PRDM7: variants seen among roughly 807,000 people sequenced by gnomAD.
The protein encoded by PRDM7 is histone-lysine N-methyltransferase PRDM7.
A neutral mutation model predicts 64.3 loss-of-function variants in PRDM7; 52 were observed. That is an observed-to-expected ratio of 0.81 (90% CI 0.65 to 1.02). The LOEUF is 1.02. Ranked by LOEUF, PRDM7 falls within the 50% of genes least tolerant of loss-of-function variation. The pLI is 0.00. For synonymous variants in PRDM7, 192 were observed against 210.1 expected (o/e 0.91, Z 0.74); for missense variants, 574 against 597.1 (o/e 0.96, Z 0.40).
intron 9 of PRDM7, 67 bp downstream of exon 9, chr16:90,061,385 A>G: frequency 6.7e-7 from 1 of 1,487,584 alleles, no homozygotes; most frequent in East Asian, 2.3e-5. Context: ...CATAATGAGA[A>G]GGAAGGAAGT....
chr16:90,065,178 G>A (rs1308877075), intron 5 of PRDM7, among the ~76,000 whole-genome samples: 1 of 149,540 alleles, frequency 6.7e-6, no homozygotes, highest in African/African-American at 2.5e-5. Flanking sequence ...AAGGCAGGCA[G>A]ATCACCTGAG....
At chr16:90,060,711 T>C (rs1021557705) in intron 9 of PRDM7, 88 bp from the exon 10 acceptor site, 1 of 1,560,922 alleles carries the variant, frequency 6.4e-7, no homozygotes, top group African/African-American at 1.4e-5. Context: ...CCTAGAATGC[T>C]TCCCTGCTGT....
intron 4 of PRDM7, among the ~76,000 whole-genome samples, chr16:90,072,075 A>G (rs1279965108): frequency 2.0e-5 from 3 of 151,900 alleles, no homozygotes; most frequent in African/African-American, 7.3e-5. Flanking sequence ...CTAAAAATAC[A>G]AAAAAATTAG....
chr16:90,063,400 T>G (rs1351968085), intron 6 of PRDM7, among the ~76,000 whole-genome samples: 2 of 152,144 alleles, frequency 1.3e-5, no homozygotes, highest in Non-Finnish European at 2.9e-5. Context: ...ATCTCACCAT[T>G]GCACTCCAGC....
intron 5 of PRDM7, 41 bp from the exon 6 acceptor site, chr16:90,063,809 T>C: frequency 6.2e-7 from 1 of 1,608,500 alleles, no homozygotes; most frequent in Middle Eastern, 1.7e-4. Context: ...AACGTGCATT[T>C]ATTTAGTTCT....
chr16:90,057,993 G>C lies in PRDM7; in HGVS notation c.*296C>G. 1.9e-6 allele frequency: 3 copies of C among 1,605,366 alleles called. No individual in the cohort carries two copies. The highest frequency in any genetic ancestry group is 1.1e-5 in the South Asian group (1 of 90,978). ...TGGTGACTGAGGAGGTCTGACTTCC[G>C]GCTAAAGCCCTCCCACACTCTCTGC... On this transcript the variant is annotated 3_prime_UTR_variant, in exon 11 of 11. Coordinates refer to ENST00000449207, the MANE Select transcript of PRDM7 (RefSeq NM_001098173.2).
rs527344864 is a variant in PRDM7 at position 90,067,037 on chromosome 16, T to C, written c.302-127A>G. 205 of 751,898 alleles carry C rather than the reference T, an allele frequency of 2.7e-4. 2 individuals are homozygous for C. The highest frequency in any genetic ancestry group is 2.6e-3 in the South Asian group (195 of 74,038). 46.6% of individuals were successfully genotyped at this position (751,898 alleles called of 1,614,324 possible). On this transcript the variant is annotated intron_variant, in intron 4 of 10. Coordinates refer to ENST00000449207, the MANE Select transcript of PRDM7 (RefSeq NM_001098173.2). ...TGGAGTGCAGTGGCACAATCTCCCC[T>C]CACTGCAACCTCCGCCTCCCGGATT...
chr16:90,074,398 G>A (rs2038005434), intron 4 of PRDM7, among the ~76,000 whole-genome samples: 1 of 151,656 alleles, frequency 6.6e-6, no homozygotes, highest in Admixed American at 6.6e-5. Context: ...CCAACATGGT[G>A]AAACCCCATC....
Position 90,062,371 on chromosome 16 carries a change from G to C in PRDM7, c.610+30C>G, listed in dbSNP as rs1349155564. The C allele has an allele frequency of 1.9e-6, 3 of 1,613,506 alleles. No individual in the cohort carries two copies. The African/African-American group carries it at 4.0e-5, about 22-fold the overall frequency. On this transcript the variant is annotated intron_variant, in intron 7 of 10. Transcript: ENST00000449207. Reference sequence around the variant, plus strand: ...TTATTGTACCAGGACATAACAGCAAGCTGTGTGAGTGGCTGAAAGGGTCAC... The same window carrying C: ...TTATTGTACCAGGACATAACAGCAACCTGTGTGAGTGGCTGAAAGGGTCAC...
At chr16:90,058,867 G>T (rs1177172810) in intron 10 of PRDM7, among the ~76,000 whole-genome samples, 1 of 152,148 alleles carries the variant, frequency 6.6e-6, no homozygotes, top group Non-Finnish European at 1.5e-5. Context: ...TCCAAGTCCT[G>T]TAAAGCCTTC....
chr16:90,074,392 C>G (rs2038005320), intron 4 of PRDM7, among the ~76,000 whole-genome samples: 1 of 151,988 alleles, frequency 6.6e-6, no homozygotes, highest in African/African-American at 2.4e-5. Flanking sequence ...GCCTGGCCAA[C>G]ATGGTGAAAC....
At position 90,063,710 on chromosome 16, in the gene PRDM7, G is replaced by C. The variant is rs2037822258; in HGVS notation, c.410C>G (p.Pro137Arg). 6.2e-7 allele frequency: 1 copy of C among 1,614,066 alleles called. No homozygotes were observed. Among genetic ancestry groups the C allele is most frequent in the Non-Finnish European group, 8.5e-7 (1 of 1,180,028 alleles). The change falls in exon 6 of 11, where the codon CCA becomes CGA. Residue 137 changes from proline (P) to arginine (R), a missense_variant. Coordinates refer to ENST00000449207, the MANE Select transcript of PRDM7 (RefSeq NM_001098173.2). Reference sequence around the variant, plus strand: ...TGAGTCACTTGTATTCAGTAAATTTGGCGTTCCTGACAATTCTCTCAAACT... The same window carrying C: ...TGAGTCACTTGTATTCAGTAAATTTCGCGTTCCTGACAATTCTCTCAAACT... The part of the protein sequence containing the change: ...ESSLRELSGT[P>R]NLLNTSDSEQ...
chr16:90,060,848 G>C (rs908842853), intron 9 of PRDM7, among the ~76,000 whole-genome samples: 38 of 152,156 alleles, frequency 2.5e-4, no homozygotes, highest in African/African-American at 8.0e-4. Context: ...AGAACTTGGT[G>C]CTTGATCACG....
Position 90,075,253 on chromosome 16 carries a change from T to G in PRDM7, c.193+98A>C. The G allele has an allele frequency of 6.3e-7, 1 of 1,590,270 alleles. No homozygotes were observed. The highest frequency in any genetic ancestry group is 8.6e-7 in the Non-Finnish European group (1 of 1,160,416). ...GATTTGTCTCCGTGCAAAAGGGAAT[T>G]GTGGGCAGATGCCGCCACCTGATAA... On this transcript the variant is annotated intron_variant, in intron 3 of 10. Transcript: ENST00000449207. This position sits in a 1 kb window ranked among gnomAD's most constrained non-coding sequence, Gnocchi z 4.3.
intron 4 of PRDM7, among the ~76,000 whole-genome samples, chr16:90,067,923 T>C (rs1421613290): frequency 6.6e-6 from 1 of 151,282 alleles, no homozygotes; most frequent in African/African-American, 2.5e-5. Context: ...TAGTCGATGA[T>C]GAAAAACTGA....
Position 90,060,380 on chromosome 16 carries a change from A to C in PRDM7, c.1194T>G (p.Ser398Arg). ...AGCTCTTTCTTCCACTTGCTGCCCC[A>C]CTTGATGCCCAGTTCCTGGCCATAC... The part of the protein sequence containing the change: ...GMSMARNWAS[S>R]GAASGRKSSW... The change falls in exon 10 of 11, where the codon AGT becomes AGG. Residue 398 changes from serine (S) to arginine (R), a missense_variant. Coordinates refer to ENST00000449207, the MANE Select transcript of PRDM7 (RefSeq NM_001098173.2). 1 of 1,613,808 alleles carries C rather than the reference A, an allele frequency of 6.2e-7. No individual in the cohort carries two copies. Among genetic ancestry groups the C allele is most frequent in the Non-Finnish European group, 8.5e-7 (1 of 1,179,850 alleles).
In PRDM7 at chr16:90,076,213, G is replaced by T. The variant is rs373956835; in HGVS notation, c.-85-218C>A. ...ATGTAAGCTGGATTTTGTTCTTTTA[G>T]TTCCCCTGCAGCTTGGCTCATTTGG... On this transcript the variant is annotated intron_variant, in intron 1 of 10. Coordinates refer to ENST00000449207, the MANE Select transcript of PRDM7 (RefSeq NM_001098173.2). 5.3e-5 allele frequency among the ~76,000 whole-genome samples: 8 copies of T among 152,262 alleles called. No individual in the cohort carries two copies. The South Asian group carries it at 1.7e-3, about 32-fold the overall frequency.
At chr16:90,076,337 C>T (rs1487273813) in intron 1 of PRDM7, among the ~76,000 whole-genome samples, 1 of 152,024 alleles carries the variant, frequency 6.6e-6, no homozygotes, top group Admixed American at 6.6e-5. Context: ...ACCTTGAGGC[C>T]CCCTGACTGC....
intron 6 of PRDM7, among the ~76,000 whole-genome samples, 197 bp from the exon 7 acceptor site, chr16:90,062,699 C>G (rs2037803928): frequency 6.6e-6 from 1 of 152,224 alleles, no homozygotes; most frequent in Non-Finnish European, 1.5e-5. Context: ...ATTTTAGTTT[C>G]TAGCTGTTCT....
Sources: gnomAD v4.1 joint callset for allele counts (sites outside exome capture counted in the v4.1 genomes callset) on GRCh38, gnomAD v4.1.1 for gene constraint, Gnocchi (gnomAD v3.1) non-coding constraint, MANE v1.5 for transcripts, NCBI Gene and HGNC (gene_info 2026-07-23, HGNC 2026-07-21) for gene names.